NEMP2: variants seen among roughly 807,000 people sequenced by gnomAD.
NEMP2 encodes nuclear envelope integral membrane protein 2.
NEMP2 carries 53 observed loss-of-function variants against 54.2 expected under a neutral mutation model. The ratio of observed to expected loss-of-function variants is 0.98; its 90% CI spans 0.78 to 1.23. The LOEUF (loss-of-function observed/expected upper bound fraction) is 1.23. NEMP2 is among the 50% of genes most tolerant of loss of function. NEMP2 has a pLI of 0.00. For synonymous variants in NEMP2, 197 were observed against 190.3 expected (o/e 1.04, Z -0.29); for missense variants, 455 against 511.3 (o/e 0.89, Z 1.06).
the NEMP2 span, among the ~76,000 whole-genome samples, chr2:190,545,542 A>C: frequency 6.6e-6 from 1 of 152,232 alleles, no homozygotes; most frequent in Admixed American, 6.5e-5. Flanking sequence ...ATGATTCAGG[A>C]ACCTTTCAAT....
rs944100782 is a variant in NEMP2 at position 190,522,293 on chromosome 2, G to A, written c.213+2970C>T. ...GTACTATGGTCACTAGTTGGGGGATGGGTTCAGTAGAGCCCAAACCCCAGC... is the reference window on the plus strand; with the variant it reads ...GTACTATGGTCACTAGTTGGGGGATAGGTTCAGTAGAGCCCAAACCCCAGC... On this transcript the variant is annotated intron_variant, in intron 2 of 8. Transcript: ENST00000409150. The surrounding 1 kb of genome is among the most constrained non-coding windows in gnomAD (Gnocchi z 5.0). 2.6e-5 allele frequency among the ~76,000 whole-genome samples: 4 copies of A among 151,922 alleles called. No individual in the cohort carries two copies. The highest frequency in any genetic ancestry group is 2.0e-4 in the Admixed American group (3 of 15,252).
the NEMP2 span, among the ~76,000 whole-genome samples, chr2:190,460,157 C>T: frequency 6.6e-6 from 1 of 152,220 alleles, no homozygotes; most frequent in African/African-American, 2.4e-5. Flanking sequence ...TTCCATTGCA[C>T]AGTGCGTCAG....
the NEMP2 span, among the ~76,000 whole-genome samples, chr2:190,424,846 CT>C: frequency 6.6e-6 from 1 of 152,286 alleles, no homozygotes. The surrounding 1 kb of genome is among the most constrained non-coding windows in gnomAD (Gnocchi z 5.9). Context: ...GCTATATGAT[CT>C]TTTTCAAAAC....
the NEMP2 span, chr2:190,489,785 C>G: frequency 6.2e-7 from 1 of 1,614,070 alleles, no homozygotes; most frequent in Non-Finnish European, 8.5e-7. This position sits in a 1 kb window ranked among gnomAD's most constrained non-coding sequence, Gnocchi z 6.6. Context: ...TGCAACCTTC[C>G]GAGGAATTGG....
the NEMP2 span, among the ~76,000 whole-genome samples, chr2:190,430,813 C>T: frequency 6.4e-4 from 93 of 145,178 alleles, no homozygotes; most frequent in South Asian, 2.7e-3. Flanking sequence ...CCCCACCTCC[C>T]TCCCGGACGG....
chr2:190,459,045 A>C, the NEMP2 span, among the ~76,000 whole-genome samples: 1 of 152,326 alleles, frequency 6.6e-6, no homozygotes, highest in African/African-American at 2.4e-5. This position sits in a 1 kb window ranked among gnomAD's most constrained non-coding sequence, Gnocchi z 5.3. Context: ...TCAGTAGAAA[A>C]GCCCTTCCCA....
the NEMP2 span, among the ~76,000 whole-genome samples, chr2:190,431,469 G>C: frequency 1.4e-4 from 22 of 152,344 alleles, no homozygotes; most frequent in Admixed American, 3.9e-4. The surrounding 1 kb of genome is among the most constrained non-coding windows in gnomAD (Gnocchi z 4.4). Context: ...TCTGGAGGCC[G>C]AGGCTGGCGG....
chr2:190,606,376 A>C, the NEMP2 span, among the ~76,000 whole-genome samples: 10 of 152,180 alleles, frequency 6.6e-5, no homozygotes, highest in African/African-American at 2.4e-4. Context: ...CCTCATTTCG[A>C]ACATGAAAAG....
At chr2:190,449,279 G>T in the NEMP2 span, among the ~76,000 whole-genome samples, 9 of 152,222 alleles carry the variant, frequency 5.9e-5, no homozygotes, top group African/African-American at 2.2e-4. Context: ...TTCAAGACCA[G>T]CCTGGTCAAC....
chr2:190,471,777 C>A, the NEMP2 span, among the ~76,000 whole-genome samples: 2 of 152,210 alleles, frequency 1.3e-5, no homozygotes, highest in African/African-American at 4.8e-5. This position sits in a 1 kb window ranked among gnomAD's most constrained non-coding sequence, Gnocchi z 4.7. Context: ...GATCTGAGAA[C>A]AGACAGACTG....
chr2:190,498,435 A>T, the NEMP2 span, among the ~76,000 whole-genome samples: 1 of 152,318 alleles, frequency 6.6e-6, no homozygotes, highest in East Asian at 1.9e-4. The surrounding 1 kb of genome is among the most constrained non-coding windows in gnomAD (Gnocchi z 5.9). Flanking sequence ...ATAAAAATAA[A>T]GGGGAAAGAT....
the NEMP2 span, among the ~76,000 whole-genome samples, chr2:190,576,119 C>A: frequency 6.6e-6 from 1 of 151,940 alleles, no homozygotes; most frequent in Admixed American, 6.6e-5. Flanking sequence ...CAGGTGCACA[C>A]CACCACACCT....
chr2:190,645,404 A>G, the NEMP2 span, among the ~76,000 whole-genome samples: 6 of 152,196 alleles, frequency 3.9e-5, no homozygotes, highest in Non-Finnish European at 1.5e-5. Context: ...GGAACATTCT[A>G]AAATTACTTC....
chr2:190,563,359 G>T, the NEMP2 span, among the ~76,000 whole-genome samples: 2 of 152,150 alleles, frequency 1.3e-5, no homozygotes, highest in Non-Finnish European at 2.9e-5. The surrounding 1 kb of genome is among the most constrained non-coding windows in gnomAD (Gnocchi z 4.3). Flanking sequence ...CCTTCACGCA[G>T]GTAGACGTTT....
the NEMP2 span, chr2:190,463,721 G>A: frequency 3.3e-5 from 7 of 212,240 alleles, no homozygotes; most frequent in Admixed American, 3.9e-4. The surrounding 1 kb of genome is among the most constrained non-coding windows in gnomAD (Gnocchi z 4.4). Context: ...TTGGGGGGCT[G>A]AGGTGGGAGG....
At chr2:190,460,636 T>G in the NEMP2 span, among the ~76,000 whole-genome samples, 11 of 152,206 alleles carry the variant, frequency 7.2e-5, no homozygotes, top group Non-Finnish European at 1.5e-4. Context: ...AGGTTGTAGG[T>G]GCACTGTTAC....
At chr2:190,516,465 G>A (rs1574297983) in intron 5 of NEMP2, 81 bp from the exon 6 acceptor site, 4 of 1,061,748 alleles carry the variant, frequency 3.8e-6, no homozygotes, top group Middle Eastern at 4.1e-4. Flanking sequence ...TAAACCTTTT[G>A]TATTAGAAAC....
At chr2:190,598,405 C>T in the NEMP2 span, among the ~76,000 whole-genome samples, 2 of 152,204 alleles carry the variant, frequency 1.3e-5, no homozygotes, top group Non-Finnish European at 2.9e-5. Flanking sequence ...CCAAGGCAAG[C>T]CAATATTACA....
chr2:190,493,181 G>C, the NEMP2 span, among the ~76,000 whole-genome samples: 3 of 151,932 alleles, frequency 2.0e-5, no homozygotes, highest in African/African-American at 7.3e-5. Flanking sequence ...GTAAAGGGGT[G>C]GAAAAAGACA....
Sources: gnomAD v4.1 joint callset for allele counts (sites outside exome capture counted in the v4.1 genomes callset) on GRCh38, gnomAD v4.1.1 for gene constraint, Gnocchi (gnomAD v3.1) non-coding constraint, MANE v1.5 for transcripts, NCBI Gene and HGNC (gene_info 2026-07-23, HGNC 2026-07-21) for gene names.